The following ESR2 variants were observed in gnomAD, a reference collection of about 807,000 sequenced individuals.
The protein encoded by ESR2 is estrogen receptor 2, also known as estrogen receptor beta.
Under a neutral mutation model 49.6 loss-of-function variants are expected in ESR2, and 36 were observed. The ratio of observed to expected loss-of-function variants is 0.73; its 90% confidence interval spans 0.56 to 0.96. The LOEUF (loss-of-function observed/expected upper bound fraction) is 0.96. Among genes scored for constraint, ESR2 ranks in the 40% least tolerant of loss-of-function variants. The probability of loss-of-function intolerance (pLI) is 0.00; values close to 1 mark genes in which losing one functional copy is unlikely to be tolerated. For synonymous variants in ESR2, 320 were observed against 266.1 expected, an observed-to-expected ratio of 1.20 and a Z score of -1.97; for missense variants, 714 against 693.0, an observed-to-expected ratio of 1.03 and a Z score of -0.34.
At chr14:64,241,878 C>A (rs1404979935) in intron 7 of ESR2, among the ~76,000 whole-genome samples, 1 of 152,168 alleles carries the variant, frequency 6.6e-6, no homozygotes, top group African/African-American at 2.4e-5. Flanking sequence ...AATATTGATG[C>A]CTTTTACCTC....
chr14:64,291,160 G>A (rs766254868), intron 1 of ESR2, among the ~76,000 whole-genome samples: 1 of 152,206 alleles, frequency 6.6e-6, no homozygotes, highest in Non-Finnish European at 1.5e-5. Context: ...CAATCCAGAA[G>A]TTAGGCTGAA....
intron 3 of ESR2, among the ~76,000 whole-genome samples, chr14:64,270,515 AT>A (rs199521998): frequency 1.4e-3 from 209 of 146,822 alleles, no homozygotes; most frequent in East Asian, 7.7e-3. Context: ...TGAAAAGGTA[AT>A]TTTTTTTTTT....
chr14:64,227,566 CTCCATCTTCATTCCAAA>C, downstream of ESR2: 1 of 1,614,208 alleles, frequency 6.2e-7, no homozygotes, highest in Non-Finnish European at 8.5e-7. Flanking sequence ...GCAAAAGAGT[CTCCATCTTCATTCCAAA>C]TGAGGTGAGT....
chr14:64,231,663 C>T lies in ESR2; in HGVS notation c.*1474G>A, dbSNP rs1443544365. On this transcript the variant is annotated 3_prime_UTR_variant, in exon 9 of 9. Transcript: ENST00000341099. ...CTTAGTAAATACAGGATGTGCTACC[C>T]AAAGTGAACATATTTTCAAAAAGAA... 1 of 152,120 alleles carries T rather than the reference C, an allele frequency of 6.6e-6. No individual in the cohort carries two copies. The highest frequency in any genetic ancestry group is 1.5e-5 in the Non-Finnish European group (1 of 68,016). 9.4% of individuals were successfully genotyped at this position (152,120 alleles called of 1,614,324 possible).
chr14:64,296,043 C>CAAA (rs34335763), upstream of ESR2, among the ~76,000 whole-genome samples: 280 of 89,058 alleles, frequency 3.1e-3, 8 homozygotes, highest in East Asian at 0.01. Flanking sequence ...GACTCTGTCT[C>CAAA]AAAAAAAAAA....
At chr14:64,257,141 A>G in intron 6 of ESR2, 85 bp downstream of exon 6, 1 of 1,287,434 alleles carries the variant, frequency 7.8e-7, no homozygotes, top group East Asian at 2.3e-5. Context: ...TGAGATTTTA[A>G]TTGCAGCACC....
chr14:64,306,604 G>C (rs2140875047), intron 1 of ESR2, among the ~76,000 whole-genome samples: 2 of 152,342 alleles, frequency 1.3e-5, no homozygotes, highest in South Asian at 4.1e-4. Context: ...GCTTTGAAAT[G>C]AAGACTTATA....
chr14:64,288,682 T>C (rs1489720991), intron 1 of ESR2, among the ~76,000 whole-genome samples: 4 of 149,526 alleles, frequency 2.7e-5, no homozygotes, highest in African/African-American at 9.8e-5. Context: ...CACCTGTAAA[T>C]CTAGTTAATA....
intron 1 of ESR2, among the ~76,000 whole-genome samples, chr14:64,313,804 A>G (rs10142856): frequency 0.16 from 23,875 of 149,164 alleles, 2,638 homozygotes; most frequent in African/African-American, 0.3. Context: ...GCATGAACCC[A>G]GGAGGTGGAG....
intron 4 of ESR2, among the ~76,000 whole-genome samples, chr14:64,261,105 A>G (rs1399527283): frequency 6.6e-6 from 1 of 152,196 alleles, no homozygotes; most frequent in Non-Finnish European, 1.5e-5. Context: ...GCATATGTAT[A>G]TATTTCCTTA....
rs773306825 is a variant in ESR2 at position 64,235,105 on chromosome 14, C to T, written c.1271G>A (p.Arg424Gln). The T allele has an allele frequency of 8.1e-6, 13 of 1,614,090 alleles. No individual in the cohort carries two copies. Among genetic ancestry groups the T allele is most frequent in the South Asian group, 5.5e-5 (5 of 91,084 alleles). Residue 424 changes from arginine to glutamine, a missense_variant, in exon 8 of 9, where the codon CGG (arginine) becomes CAG (glutamine). Arg to Gln is a conservative substitution (Grantham distance 43). Transcript: ENST00000341099. ...GGCGTTCAGCAAGTGAGCCAGCTTCCGGCTGCTGTCAGCATCCTGGGTCGC... is the reference window on the plus strand; with the variant it reads ...GGCGTTCAGCAAGTGAGCCAGCTTCTGGCTGCTGTCAGCATCCTGGGTCGC... ...VTATQDADSS[R>Q]KLAHLLNAVT...
At chr14:64,295,872 C>T (rs2076949606), upstream of ESR2, among the ~76,000 whole-genome samples, 1 of 152,050 alleles carries the variant, frequency 6.6e-6, no homozygotes, top group South Asian at 2.1e-4. Context: ...GGTGAAACCT[C>T]GTCTCTACTA....
chr14:64,242,472 T>C lies in ESR2; in HGVS notation c.1225+7074A>G, dbSNP rs1431632277. Among the ~76,000 whole-genome samples the C allele has an allele frequency of 6.0e-5, 9 of 149,140 alleles. No individual in the cohort carries two copies. In the East Asian group the frequency reaches 1.8e-3, roughly 29 times the overall value. ...AAAAAATATATATATATATATAAAA[T>C]CATATGGTTTTTCATTATTATTCTG... On this transcript the variant is annotated intron_variant, in intron 7 of 8. Transcript: ENST00000341099.
intron 6 of ESR2, among the ~76,000 whole-genome samples, chr14:64,255,848 C>T (rs986526086): frequency 2.6e-5 from 4 of 152,224 alleles, no homozygotes; most frequent in Non-Finnish European, 5.9e-5. Context: ...CCTGGGCTTG[C>T]TCCTGTTCAA....
At chr14:64,284,090 C>A (rs888837117) in intron 1 of ESR2, among the ~76,000 whole-genome samples, 1 of 151,764 alleles carries the variant, frequency 6.6e-6, no homozygotes, top group African/African-American at 2.4e-5. Context: ...CTGTGACTGG[C>A]TAATTTGTTG....
In ESR2 at chr14:64,283,577, G is replaced by A. The variant is rs138111439; in HGVS notation, c.-90-502C>T. ...AGTTCGAGACCAGCCTGGGCAACATGGTGAAACCCCGTCTCTACTAAAAAT... is the reference window on the plus strand; with the variant it reads ...AGTTCGAGACCAGCCTGGGCAACATAGTGAAACCCCGTCTCTACTAAAAAT... On this transcript the variant is annotated intron_variant, in intron 1 of 8. Coordinates refer to ENST00000341099, the MANE Select transcript of ESR2 (RefSeq NM_001437.3). Among the ~76,000 whole-genome samples the A allele has an allele frequency of 4.3e-3, 645 of 151,746 alleles. 6 individuals are homozygous for A. Among genetic ancestry groups the A allele is most frequent in the African/African-American group, 0.015 (612 of 41,364 alleles).
intron 1 of ESR2, among the ~76,000 whole-genome samples, chr14:64,311,732 G>C (rs1355157635): frequency 1.3e-5 from 2 of 151,478 alleles, no homozygotes; most frequent in African/African-American, 4.9e-5. Context: ...GGGATTGCTT[G>C]AGCTCAAGAG....
chr14:64,328,684 T>A (rs548233511), intron 1 of ESR2, among the ~76,000 whole-genome samples: 1 of 152,340 alleles, frequency 6.6e-6, no homozygotes, highest in Admixed American at 6.5e-5. Flanking sequence ...ACTAGAAGCA[T>A]GGCACCAACA....
At chr14:64,275,016 T>C (rs528201424) in intron 3 of ESR2, among the ~76,000 whole-genome samples, 1 of 152,354 alleles carries the variant, frequency 6.6e-6, no homozygotes, top group South Asian at 2.1e-4. Flanking sequence ...TGGCCTAATA[T>C]ATGGTATATC....
Sources: gnomAD v4.1 joint callset for allele counts (sites outside exome capture counted in the v4.1 genomes callset) on GRCh38, gnomAD v4.1.1 for gene constraint, MANE v1.5 for transcripts, NCBI Gene and HGNC (gene_info 2026-07-23, HGNC 2026-07-21) for gene names.